Variants in MANBAL observed in about 807,000 individuals in gnomAD.
MANBAL encodes the protein mannosidase beta like.
A neutral mutation model predicts 6.4 loss-of-function variants in MANBAL; 1 was observed. That is an observed-to-expected ratio of 0.16 (90% CI 0.06 to 0.74). The LOEUF (loss-of-function observed/expected upper bound fraction) is 0.74. Ranked by LOEUF, MANBAL falls within the 30% of genes least tolerant of loss-of-function variation. The pLI is 0.78. For missense variants in MANBAL, 100 were observed against 107.8 expected (o/e 0.93, Z 0.32); for synonymous variants, 47 against 45.8 (o/e 1.03, Z -0.10).
At chr20:37,303,764 T>C (rs919452162) in intron 2 of MANBAL, among the ~76,000 whole-genome samples, 8 of 152,238 alleles carry the variant, frequency 5.3e-5, no homozygotes, top group African/African-American at 1.9e-4. Context: ...TGAAGTGTTA[T>C]CTAGCAGGGA....
chr20:37,316,706 A>C lies in MANBAL; in HGVS notation c.*291A>C. On this transcript the variant is annotated 3_prime_UTR_variant, in exon 3 of 3. Transcript: ENST00000373606. ...AAGCCGGGTCAGCTCACAGAGTCAC[A>C]TTTTCTTGCTTAGTCATGTGTCCCT... 4.1e-6 allele frequency: 1 copy of C among 241,610 alleles called. No homozygotes were observed. The highest frequency in any genetic ancestry group is 8.1e-6 in the Non-Finnish European group (1 of 123,962). The allele number at this position is 241,610 out of a possible 1,614,324, so 15.0% of individuals were successfully genotyped here.
chr20:37,293,625 T>C (rs1018391346), intron 1 of MANBAL, among the ~76,000 whole-genome samples: 2 of 152,184 alleles, frequency 1.3e-5, no homozygotes, highest in African/African-American at 4.8e-5. Flanking sequence ...TTCCTTCTCT[T>C]GCTTGTCTGT....
intron 2 of MANBAL, among the ~76,000 whole-genome samples, chr20:37,314,140 G>A (rs1464627494): frequency 6.6e-6 from 1 of 152,212 alleles, no homozygotes; most frequent in East Asian, 1.9e-4. Context: ...ATTGGATGCT[G>A]GAGAGAGTAG....
At chr20:37,310,370 G>A (rs1341486941) in intron 2 of MANBAL, among the ~76,000 whole-genome samples, 1 of 152,218 alleles carries the variant, frequency 6.6e-6, no homozygotes, top group Non-Finnish European at 1.5e-5. Context: ...TAAGCAGACT[G>A]GTCTGAGTGC....
At chr20:37,290,267 G>T (rs1235802008) in intron 1 of MANBAL, among the ~76,000 whole-genome samples, 1 of 152,206 alleles carries the variant, frequency 6.6e-6, no homozygotes, top group East Asian at 1.9e-4. Context: ...ATTATATTTT[G>T]CAGGGCATCT....
chr20:37,309,432 TCCCCCAGA>T (rs2069331271), intron 2 of MANBAL, among the ~76,000 whole-genome samples: 1 of 151,832 alleles, frequency 6.6e-6, no homozygotes, highest in Middle Eastern at 3.4e-3. Context: ...TGACTGAGAG[TCCCCCAGA>T]CCCCCATGGG....
intron 2 of MANBAL, among the ~76,000 whole-genome samples, chr20:37,306,524 G>A (rs564849590): frequency 9.2e-5 from 14 of 152,282 alleles, no homozygotes; most frequent in Admixed American, 4.6e-4. Flanking sequence ...AAATGAAAAG[G>A]TTTTCTCATT....
rs371675485 is a variant in MANBAL at position 37,316,333 on chromosome 20, G to A, written c.176G>A (p.Ser59Asn). The A allele has an allele frequency of 8.1e-6, 13 of 1,613,730 alleles. No individual in the cohort carries two copies. The highest frequency in any genetic ancestry group is 5.3e-5 in the African/African-American group (4 of 74,930). The change falls in exon 3 of 3, where the codon AGT (serine) becomes AAT (asparagine). Residue 59 changes from serine to asparagine, a missense_variant. Coordinates refer to ENST00000373606, the MANE Select transcript of MANBAL (RefSeq NM_001003897.2). The part of the protein sequence containing the change: ...EAEAEPSEPR[S>N]AEVTRKPKAA... ...GAGGCTGAACCGTCTGAGCCCAGAA[G>A]TGCTGAGGTGACGAGGAAGCCCAAG...
At chr20:37,292,726 A>G (rs1486511759) in intron 1 of MANBAL, among the ~76,000 whole-genome samples, 3 of 152,158 alleles carry the variant, frequency 2.0e-5, no homozygotes, top group Admixed American at 2.0e-4. Flanking sequence ...TGGCTCCTGT[A>G]TCCCTTTGAC....
chr20:37,313,417 A>G (rs996946124), intron 2 of MANBAL, among the ~76,000 whole-genome samples: 18 of 138,454 alleles, frequency 1.3e-4, no homozygotes, highest in African/African-American at 4.6e-4. Context: ...TAATAGTGGC[A>G]TTATGGGCTG....
rs370346967 is a variant in MANBAL, at chr20:37,299,294, G to T, written c.-56-1914G>T. On this transcript the variant is annotated intron_variant, in intron 1 of 2. Coordinates refer to ENST00000373606, the MANE Select transcript of MANBAL (RefSeq NM_001003897.2). ...GGGTCTCGCTGTGTTGTCCAGGCTG[G>T]TCTCAAACTCCTGAGCTCAAGTGAT... Among the ~76,000 whole-genome samples the T allele has an allele frequency of 2.9e-4, 44 of 152,158 alleles. No individual in the cohort carries two copies. In the East Asian group the frequency reaches 5.6e-3, roughly 19 times the overall value.
At chr20:37,295,769 C>T (rs959388984) in intron 1 of MANBAL, among the ~76,000 whole-genome samples, 2 of 152,208 alleles carry the variant, frequency 1.3e-5, no homozygotes, top group African/African-American at 4.8e-5. Context: ...AAGTGCTGTT[C>T]GCAACACCTG....
intron 2 of MANBAL, among the ~76,000 whole-genome samples, chr20:37,311,834 A>G (rs16986569): frequency 0.031 from 4,675 of 152,120 alleles, 103 homozygotes; most frequent in African/African-American, 0.058. Context: ...ACGTAAAGTA[A>G]ACTCTGACGA....
In MANBAL at chr20:37,301,427, T is replaced by C. The variant is rs2069133446; in HGVS notation, c.150+14T>C. The C allele has an allele frequency of 6.2e-7, 1 of 1,608,166 alleles. No individual in the cohort carries two copies. Among genetic ancestry groups the C allele is most frequent in the Non-Finnish European group, 8.5e-7 (1 of 1,176,530 alleles). On this transcript the variant is annotated intron_variant, in intron 2 of 2. Coordinates refer to ENST00000373606, the MANE Select transcript of MANBAL (RefSeq NM_001003897.2). ...TCCCACGAGGCGGTGAGTTTTTCCC[T>C]GGGAGCCTCAGCTCCTCTGAGTGCC...
chr20:37,292,852 C>T (rs565670358), intron 1 of MANBAL, among the ~76,000 whole-genome samples: 12 of 152,292 alleles, frequency 7.9e-5, no homozygotes, highest in African/African-American at 2.6e-4. Flanking sequence ...CCCAAGGAGC[C>T]CTGGCTCCTT....
chr20:37,315,681 C>A (rs546868353), intron 2 of MANBAL, among the ~76,000 whole-genome samples: 7 of 152,232 alleles, frequency 4.6e-5, no homozygotes, highest in African/African-American at 9.6e-5. Flanking sequence ...TGCCCTCCCC[C>A]ACAGAGGCAC....
intron 2 of MANBAL, among the ~76,000 whole-genome samples, chr20:37,305,629 C>A (rs1484386515): frequency 5.3e-5 from 8 of 151,154 alleles, no homozygotes; most frequent in Admixed American, 5.3e-4. Flanking sequence ...TTTAGGGAAA[C>A]AAGGCTCACA....
intron 2 of MANBAL, among the ~76,000 whole-genome samples, chr20:37,309,964 G>A (rs1487229564): frequency 6.6e-6 from 1 of 152,152 alleles, no homozygotes; most frequent in Non-Finnish European, 1.5e-5. Context: ...GACCCGTTCT[G>A]GAGAGATTGC....
intron 1 of MANBAL, among the ~76,000 whole-genome samples, chr20:37,295,006 A>G (rs1044997358): frequency 2.0e-5 from 3 of 152,228 alleles, no homozygotes; most frequent in Non-Finnish European, 4.4e-5. Flanking sequence ...CTGATGGGGT[A>G]TGAAAGTCCC....
Sources: gnomAD v4.1 joint callset for allele counts (sites outside exome capture counted in the v4.1 genomes callset) on GRCh38, gnomAD v4.1.1 for gene constraint, MANE v1.5 for transcripts, NCBI Gene and HGNC (gene_info 2026-07-23, HGNC 2026-07-21) for gene names.